Variants in PTCD1 observed in about 807,000 individuals in gnomAD.
PTCD1 encodes the protein pentatricopeptide repeat domain 1, also known as pentatricopeptide repeat-containing protein 1, mitochondrial.
PTCD1 carries 50 observed loss-of-function variants against 53.4 expected under a neutral mutation model. The ratio of observed to expected loss-of-function variants is 0.94; its 90% CI spans 0.75 to 1.19. PTCD1 has a LOEUF of 1.19. PTCD1 is among the 50% of genes most tolerant of loss of function. The pLI, the probability that PTCD1 is intolerant of heterozygous loss-of-function variation, is 0.00. For missense variants in PTCD1, 918 were observed against 904.8 expected (o/e 1.01, Z -0.19); for synonymous variants, 413 against 394.8 (o/e 1.05, Z -0.55).
rs1366549158 is a variant in PTCD1 at position 99,429,114 on chromosome 7, A to G, written c.904T>C (p.Tyr302His). The change falls in exon 5 of 8, where the codon TAC (tyrosine) becomes CAC (histidine). Residue 302 changes from tyrosine (Y) to histidine (H), a missense_variant. By Grantham distance (83) the Tyr-to-His change is moderately conservative. Transcript: ENST00000292478. ...TGGGAGGGACATACCTGGAGGGCGT[A>G]CCGGAAGCCTGTCTTCTTGTCTTGG... Reference protein sequence around the residue: ...CIQDKKTGFRYALQVWRLMLS... With the variant: ...CIQDKKTGFRHALQVWRLMLS... 6.2e-7 allele frequency: 1 copy of G among 1,614,022 alleles called. No homozygotes were observed. The highest frequency in any genetic ancestry group is 1.3e-5 in the African/African-American group (1 of 74,908).
chr7:99,425,588 A>G lies in PTCD1; in HGVS notation c.944T>C (p.Leu315Pro). 1.2e-6 allele frequency: 2 copies of G among 1,610,156 alleles called. No homozygotes were observed. Residue 315 changes from leucine to proline, a missense_variant, in exon 6 of 8, where the codon CTA becomes CCA. Coordinates refer to ENST00000292478, the MANE Select transcript of PTCD1 (RefSeq NM_015545.4). The stretch of plus-strand genomic sequence containing the variant: ...GTTGTAGCTGTCCCGGCTCGGCTGT[A>G]GCCCTAGACTCAGCATCAGCCGCCA... Reference protein sequence around the residue: ...QVWRLMLSLGLQPSRDSYNLL... With the variant: ...QVWRLMLSLGPQPSRDSYNLL...
chr7:99,430,534 A>G (rs906811873), intron 3 of PTCD1, among the ~76,000 whole-genome samples: 1 of 152,196 alleles, frequency 6.6e-6, no homozygotes, highest in Non-Finnish European at 1.5e-5. Context: ...GGTGCATTCA[A>G]GTGGGGTGGC....
chr7:99,429,673 A>C lies in PTCD1; in HGVS notation c.728T>G (p.Phe243Cys), dbSNP rs763255900. 4.8e-5 allele frequency: 77 copies of C among 1,614,140 alleles called. No individual in the cohort carries two copies. The highest frequency in any genetic ancestry group is 6.5e-5 in the Non-Finnish European group (77 of 1,180,018). The change falls in exon 4 of 8, where the codon TTC becomes TGC. Residue 243 changes from phenylalanine (F) to cysteine (C), a missense_variant. Coordinates refer to ENST00000292478, the MANE Select transcript of PTCD1 (RefSeq NM_015545.4). Reference sequence around the variant, plus strand: ...GTGGTATGTTTTCAAGTTGAGCTCGAAGTTTTTGGCCTGCAGCTGCTGCCG... The same window carrying C: ...GTGGTATGTTTTCAAGTTGAGCTCGCAGTTTTTGGCCTGCAGCTGCTGCCG... ...KLRQQLQAKN[F>C]ELNLKTYHAL...
rs765713410 is a variant in PTCD1 at position 99,419,458 on chromosome 7, CCTGGACT to C, written c.*502_*508del. 3.1e-5 allele frequency: 50 copies of C among 1,609,880 alleles called. No homozygotes were observed. The highest frequency in any genetic ancestry group is 1.2e-5 in the Non-Finnish European group (14 of 1,179,964). ...TCTGGCTGAGGCTGGCGCGCTCCACCCTGGACTCTGGACTTCGCAGGTTCCTGCCTGT... is the reference window on the plus strand; with the variant it reads ...TCTGGCTGAGGCTGGCGCGCTCCACCCTGGACTTCGCAGGTTCCTGCCTGT... On this transcript the variant is annotated 3_prime_UTR_variant, in exon 8 of 8. Transcript: ENST00000292478.
Position 99,418,047 on chromosome 7 carries a change from AAC to A in PTCD1, c.*1918_*1919del. Reference sequence around the variant, plus strand: ...CAGTGATGCCATCTTGGCTCACTGCAACCTCCACCTCCCGGGTTCAAGCGGTT... The same window carrying A: ...CAGTGATGCCATCTTGGCTCACTGCACTCCACCTCCCGGGTTCAAGCGGTT... On this transcript the variant is annotated 3_prime_UTR_variant, in exon 8 of 8. Coordinates refer to ENST00000292478, the MANE Select transcript of PTCD1 (RefSeq NM_015545.4). The A allele has an allele frequency of 9.5e-7, 1 of 1,052,392 alleles. No homozygotes were observed. Among genetic ancestry groups the A allele is most frequent in the Non-Finnish European group, 1.2e-6 (1 of 851,630 alleles). 65.2% of individuals were successfully genotyped at this position (1,052,392 alleles called of 1,614,324 possible). A position where few individuals can be genotyped will look rare whatever the true frequency, so the allele number is the denominator to read the frequency against.
chr7:99,436,726 T>C (rs1796480694), intron 1 of PTCD1, among the ~76,000 whole-genome samples: 1 of 152,222 alleles, frequency 6.6e-6, no homozygotes, highest in Non-Finnish European at 1.5e-5. Flanking sequence ...CTGGGCTGGC[T>C]TTGAACTCAG....
rs930857981 is a variant in PTCD1 at position 99,429,748 on chromosome 7, C to G, written c.653G>C (p.Cys218Ser). 9.9e-6 allele frequency: 16 copies of G among 1,614,108 alleles called. No individual in the cohort carries two copies. The highest frequency in any genetic ancestry group is 1.3e-5 in the African/African-American group (1 of 74,936). Residue 218 changes from cysteine (C) to serine (S), a missense_variant, in exon 4 of 8, where the codon TGT (cysteine) becomes TCT (serine). Physicochemically the swap from Cys to Ser is moderately radical, Grantham distance 112. Transcript: ENST00000292478. ...DATYTALFNV[C>S]AESPWKDSAL... ...TGAGTCCTTCCAGGGGGACTCGGCA[C>G]AGACGTTGAACAGGGCCGTGTAGGT...
chr7:99,432,590 C>CGG (rs1562845647), intron 3 of PTCD1, among the ~76,000 whole-genome samples: 1 of 148,862 alleles, frequency 6.7e-6, no homozygotes, highest in African/African-American at 2.6e-5. Flanking sequence ...GCCTGCGCAG[C>CGG]GCAGGTCCTC....
rs1795731847 is a variant in PTCD1 at position 99,420,112 on chromosome 7, C to T, written c.1958G>A (p.Gly653Asp). ...CCACTGCTTGTAATAGGCTCGGAAG[C>T]CGTCAATCTTCTCCAGGTAGGTGTT... ...GKNTYLEKID[G>D]FRAYYKQWLT... The change falls in exon 8 of 8, where the codon GGC (glycine) becomes GAC (aspartate). Residue 653 changes from glycine to aspartate, a missense_variant. Coordinates refer to ENST00000292478, the MANE Select transcript of PTCD1 (RefSeq NM_015545.4). 1 of 1,614,054 alleles carries T rather than the reference C, an allele frequency of 6.2e-7. No individual in the cohort carries two copies. The highest frequency in any genetic ancestry group is 8.5e-7 in the Non-Finnish European group (1 of 1,180,024).
chr7:99,429,749 A>C lies in PTCD1; in HGVS notation c.652T>G (p.Cys218Gly). Residue 218 changes from cysteine (C) to glycine (G), a missense_variant, in exon 4 of 8, where the codon TGT becomes GGT. Physicochemically the swap from Cys to Gly is radical, Grantham distance 159. Transcript: ENST00000292478. ...DATYTALFNV[C>G]AESPWKDSAL... ...GAGTCCTTCCAGGGGGACTCGGCACAGACGTTGAACAGGGCCGTGTAGGTG... is the reference window on the plus strand; with the variant it reads ...GAGTCCTTCCAGGGGGACTCGGCACCGACGTTGAACAGGGCCGTGTAGGTG... The C allele has an allele frequency of 6.2e-7, 1 of 1,614,220 alleles. No homozygotes were observed. The highest frequency in any genetic ancestry group is 8.5e-7 in the Non-Finnish European group (1 of 1,180,038).
chr7:99,438,709 G>A lies in PTCD1; in HGVS notation c.-44C>T, dbSNP rs1309091253. 2 of 1,292,284 alleles carry A rather than the reference G, an allele frequency of 1.5e-6. No homozygotes were observed. Among genetic ancestry groups the A allele is most frequent in the Non-Finnish European group, 2.0e-6 (2 of 994,202 alleles). The allele number at this position is 1,292,284 out of a possible 1,614,324, so 80.1% of individuals were successfully genotyped here. A position where few individuals can be genotyped will look rare whatever the true frequency, so the allele number is the denominator to read the frequency against. Reference sequence around the variant, plus strand: ...GAACTCACTTGAAGTGTCCGGCGCAGTGCACTCCGACGGGGAGCCCTGCCC... The same window carrying A: ...GAACTCACTTGAAGTGTCCGGCGCAATGCACTCCGACGGGGAGCCCTGCCC... On this transcript the variant is annotated 5_prime_UTR_variant, in exon 1 of 8. Coordinates refer to ENST00000292478, the MANE Select transcript of PTCD1 (RefSeq NM_015545.4).
rs747003564 is a variant in PTCD1 at position 99,425,599 on chromosome 7, C to A, written c.933G>T (p.Leu311=). Residue 311 remains leucine, a synonymous_variant, in exon 6 of 8, where the codon CTG becomes CTT. Transcript: ENST00000292478. The stretch of plus-strand genomic sequence containing the variant: ...CCCGGCTCGGCTGTAGCCCTAGACT[C>A]AGCATCAGCCGCCACACCTGCCACG... The part of the protein sequence containing the change: ...RYALQVWRLM[L]SLGLQPSRDS... 1 of 1,606,144 alleles carries A rather than the reference C, an allele frequency of 6.2e-7. No homozygotes were observed. Among genetic ancestry groups the A allele is most frequent in the African/African-American group, 1.3e-5 (1 of 74,808 alleles).
chr7:99,419,275 GGT>G lies in PTCD1; in HGVS notation c.*690_*691del. On this transcript the variant is annotated 3_prime_UTR_variant, in exon 8 of 8. Transcript: ENST00000292478. ...AGAGCTGTCAAGGAAGGGTTTCTGA[GGT>G]GTGTCCCTATATGGCATGGTGGCAG... 2 of 1,288,274 alleles carry G rather than the reference GGT, an allele frequency of 1.6e-6. No homozygotes were observed. Among genetic ancestry groups the G allele is most frequent in the South Asian group, 2.5e-5 (2 of 81,528 alleles). The allele number at this position is 1,288,274 out of a possible 1,614,324, so 79.8% of individuals were successfully genotyped here.
Position 99,419,462 on chromosome 7 carries a change from G to A in PTCD1, c.*505C>T. 1 of 1,609,400 alleles carries A rather than the reference G, an allele frequency of 6.2e-7. No individual in the cohort carries two copies. The highest frequency in any genetic ancestry group is 1.1e-5 in the South Asian group (1 of 91,072). Reference sequence around the variant, plus strand: ...GCTGAGGCTGGCGCGCTCCACCCTGGACTCTGGACTTCGCAGGTTCCTGCC... The same window carrying A: ...GCTGAGGCTGGCGCGCTCCACCCTGAACTCTGGACTTCGCAGGTTCCTGCC... On this transcript the variant is annotated 3_prime_UTR_variant, in exon 8 of 8. Transcript: ENST00000292478.
At chr7:99,433,550 T>A in intron 2 of PTCD1, 132 bp from the exon 3 acceptor site, 1 of 1,550,596 alleles carries the variant, frequency 6.4e-7, no homozygotes, top group Non-Finnish European at 8.7e-7. Context: ...GCAAACCCCC[T>A]GGGCCCCCAG....
chr7:99,421,304 T>A (rs1355983114), intron 7 of PTCD1, among the ~76,000 whole-genome samples: 1 of 151,946 alleles, frequency 6.6e-6, no homozygotes, highest in Non-Finnish European at 1.5e-5. Context: ...GGTACATGCC[T>A]GTAGTCCCAG....
Position 99,429,089 on chromosome 7 carries a change from T to C in PTCD1, c.915+14A>G. On this transcript the variant is annotated intron_variant, in intron 5 of 7. Coordinates refer to ENST00000292478, the MANE Select transcript of PTCD1 (RefSeq NM_015545.4). The stretch of plus-strand genomic sequence containing the variant: ...GGGGAAGCAGGGCAGGAAGGTGGGG[T>C]GGGAGGGACATACCTGGAGGGCGTA... The C allele has an allele frequency of 1.2e-6, 2 of 1,613,708 alleles. No homozygotes were observed. Among genetic ancestry groups the C allele is most frequent in the Non-Finnish European group, 1.7e-6 (2 of 1,179,866 alleles).
In PTCD1 at chr7:99,423,907, C is replaced by T. The variant is rs569535784; in HGVS notation, c.1788G>A (p.Ala596=). 24 of 1,614,098 alleles carry T rather than the reference C, an allele frequency of 1.5e-5. No homozygotes were observed. The highest frequency in any genetic ancestry group is 1.2e-4 in the Admixed American group (7 of 60,002). The change falls in exon 7 of 8, where the codon GCG becomes GCA. Residue 596 remains alanine, a synonymous_variant. Coordinates refer to ENST00000292478, the MANE Select transcript of PTCD1 (RefSeq NM_015545.4). ...AGGTGTAGTTCAGCTTCCTGATGGC[C>T]GCGTTGATGAGGGCACTGTAGATGT... ...NTHIYSALIN[A]AIRKLNYTYL...
At position 99,429,084 on chromosome 7, in the gene PTCD1, T is replaced by TG. The variant is rs762282232; in HGVS notation, c.915+18dup. On this transcript the variant is annotated intron_variant, in intron 5 of 7. Transcript: ENST00000292478. ...GCACCGGGGAAGCAGGGCAGGAAGGTGGGGTGGGAGGGACATACCTGGAGG... is the reference window on the plus strand; with the variant it reads ...GCACCGGGGAAGCAGGGCAGGAAGGTGGGGGTGGGAGGGACATACCTGGAGG... 6.2e-7 allele frequency: 1 copy of TG among 1,612,564 alleles called. No homozygotes were observed. Among genetic ancestry groups the TG allele is most frequent in the African/African-American group, 1.3e-5 (1 of 74,490 alleles).
Sources: allele counts gnomAD v4.1 joint callset (sites outside exome capture counted in the v4.1 genomes callset), GRCh38; gene constraint gnomAD v4.1.1; transcripts MANE v1.5; gene names NCBI Gene and HGNC (gene_info 2026-07-23, HGNC 2026-07-21).